The following NRF1 variants were observed in gnomAD, a reference collection of about 807,000 sequenced individuals.
NRF1 encodes nuclear respiratory factor 1.
In NRF1, 5 loss-of-function variants were observed where a neutral mutation model predicts 58.5. The ratio of observed to expected loss-of-function variants is 0.09; its 90% CI spans 0.04 to 0.18. The LOEUF is 0.18. NRF1 is among the 10% of genes least tolerant of loss of function. NRF1 has a pLI of 1.00. For synonymous variants in NRF1, 224 were observed against 246.7 expected, an observed-to-expected ratio of 0.91 and a Z score of 0.86; for missense variants, 288 against 657.7, an observed-to-expected ratio of 0.44 and a Z score of 6.15.
intron 1 of NRF1, among the ~76,000 whole-genome samples, chr7:129,642,852 C>T (rs1801325215): frequency 6.6e-6 from 1 of 150,824 alleles, no homozygotes; most frequent in South Asian, 2.1e-4. Context: ...CTTCTGCCTC[C>T]TGGGCTCACT....
At chr7:129,630,662 T>C (rs1252756071) in intron 1 of NRF1, among the ~76,000 whole-genome samples, 1 of 152,202 alleles carries the variant, frequency 6.6e-6, no homozygotes, top group Non-Finnish European at 1.5e-5. Flanking sequence ...GAGGAAACCT[T>C]TGTTTTCTAT....
chr7:129,642,226 T>C (rs1286906301), intron 1 of NRF1, among the ~76,000 whole-genome samples: 1 of 140,660 alleles, frequency 7.1e-6, no homozygotes, highest in African/African-American at 2.6e-5. Flanking sequence ...TCAAGTTATA[T>C]GCCCGCCTCA....
chr7:129,682,164 T>G (rs957304594), intron 4 of NRF1, among the ~76,000 whole-genome samples: 3 of 149,700 alleles, frequency 2.0e-5, no homozygotes, highest in African/African-American at 7.4e-5. Flanking sequence ...AAAAAGATAG[T>G]TAAAACCCAC....
At chr7:129,676,090 A>G (rs980629792) in intron 3 of NRF1, among the ~76,000 whole-genome samples, 3 of 152,064 alleles carry the variant, frequency 2.0e-5, no homozygotes, top group African/African-American at 7.2e-5. Context: ...TCATGAACCA[A>G]CCTCTGAAAG....
Position 129,657,519 on chromosome 7 carries a change from A to G in NRF1, c.168A>G (p.Ser56=), listed in dbSNP as rs374461357. The stretch of plus-strand genomic sequence containing the variant: ...CCGAGGACACCTCTTACGATGACTC[A>G]GATATACTCAACTCCACAGCAGCTG... ...SSPEDTSYDD[S]DILNSTAADE... Residue 56 remains serine, a synonymous_variant, in exon 2 of 11, where the codon TCA becomes TCG. Coordinates refer to ENST00000393232, the MANE Select transcript of NRF1 (RefSeq NM_005011.5). The G allele has an allele frequency of 1.2e-6, 2 of 1,614,108 alleles. No homozygotes were observed. Among genetic ancestry groups the G allele is most frequent in the Non-Finnish European group, 1.7e-6 (2 of 1,180,022 alleles).
At chr7:129,642,585 CTG>C (rs1801314853) in intron 1 of NRF1, among the ~76,000 whole-genome samples, 1 of 151,920 alleles carries the variant, frequency 6.6e-6, no homozygotes, top group East Asian at 1.9e-4. Flanking sequence ...ACAAAACCAA[CTG>C]TATAAGAAAC....
intron 2 of NRF1, among the ~76,000 whole-genome samples, chr7:129,669,907 T>C (rs1047650882): frequency 6.6e-6 from 1 of 152,240 alleles, no homozygotes; most frequent in Non-Finnish European, 1.5e-5. Flanking sequence ...TTCATTGTTG[T>C]ATTATTCACA....
At chr7:129,744,150 T>TTTTA in intron 10 of NRF1, 6 of 1,463,316 alleles carry the variant, frequency 4.1e-6, no homozygotes, top group Non-Finnish European at 5.5e-6. Flanking sequence ...TTTTTTTTTT[T>TTTTA]AACAGTTCTG....
chr7:129,659,610 A>G (rs1801737316), intron 2 of NRF1, among the ~76,000 whole-genome samples: 5 of 152,236 alleles, frequency 3.3e-5, no homozygotes, highest in Admixed American at 2.6e-4. Flanking sequence ...TTCTTTCCTC[A>G]TGTTGAAGGT....
At chr7:129,663,205 T>C (rs1007174555) in intron 2 of NRF1, among the ~76,000 whole-genome samples, 2 of 151,326 alleles carry the variant, frequency 1.3e-5, no homozygotes, top group Non-Finnish European at 1.5e-5. Flanking sequence ...TCCCCACATT[T>C]CCCCCTTTTC....
chr7:129,639,545 CTTT>C (rs11325662), intron 1 of NRF1, among the ~76,000 whole-genome samples: 73 of 123,866 alleles, frequency 5.9e-4, no homozygotes, highest in African/African-American at 8.9e-4. Flanking sequence ...CCCCACAACC[CTTT>C]TTTTTTTTTT....
chr7:129,702,046 G>A (rs1033644056), intron 5 of NRF1, among the ~76,000 whole-genome samples: 3 of 152,150 alleles, frequency 2.0e-5, no homozygotes, highest in Non-Finnish European at 4.4e-5. Context: ...TTATGTAAAT[G>A]TATAGAATTT....
intron 10 of NRF1, among the ~76,000 whole-genome samples, chr7:129,729,999 C>T (rs927561540): frequency 6.6e-6 from 1 of 152,008 alleles, no homozygotes; most frequent in African/African-American, 2.4e-5. Context: ...CACACCACGC[C>T]CAGATAATTT....
intron 1 of NRF1, among the ~76,000 whole-genome samples, chr7:129,613,680 C>T (rs534067017): frequency 2.4e-4 from 36 of 151,816 alleles, no homozygotes; most frequent in Non-Finnish European, 4.1e-4. Context: ...GGGTGGATCA[C>T]CTGAGGTCAG....
intron 1 of NRF1, among the ~76,000 whole-genome samples, chr7:129,639,853 C>T (rs570904993): frequency 6.6e-6 from 1 of 152,144 alleles, no homozygotes; most frequent in Non-Finnish European, 1.5e-5. Context: ...CTTCCGCCCC[C>T]CCTTTTTTAA....
intron 1 of NRF1, among the ~76,000 whole-genome samples, chr7:129,614,759 A>G (rs1408207561): frequency 1.3e-5 from 2 of 152,208 alleles, no homozygotes; most frequent in African/African-American, 4.8e-5. Context: ...ATTCCTGTGT[A>G]TGTCGTTAGG....
At chr7:129,754,088 C>T (rs892417999) in intron 10 of NRF1, among the ~76,000 whole-genome samples, 1 of 152,116 alleles carries the variant, frequency 6.6e-6, no homozygotes, top group Non-Finnish European at 1.5e-5. Flanking sequence ...GGCCCTCTCA[C>T]GGCAAGCTGG....
At chr7:129,676,055 TG>T (rs758396648) in intron 3 of NRF1, among the ~76,000 whole-genome samples, 2 of 152,246 alleles carry the variant, frequency 1.3e-5, no homozygotes. Flanking sequence ...TTTTATGTAA[TG>T]GAGATGGCTT....
Position 129,709,140 on chromosome 7 carries a change from G to T in NRF1, c.672G>T (p.Trp224Cys). The T allele has an allele frequency of 6.3e-7, 1 of 1,598,294 alleles. No individual in the cohort carries two copies. Among genetic ancestry groups the T allele is most frequent in the South Asian group, 1.1e-5 (1 of 88,508 alleles). Residue 224 changes from tryptophan (W) to cysteine (C), a missense_variant, in exon 6 of 11, where the codon TGG becomes TGT. Trp to Cys is a radical substitution (Grantham distance 215, BLOSUM62 -2). Transcript: ENST00000393232. ...CTACAGGTCGGGGAAAACCAGGCTGGGGGAAAGAAAGCTGCAAGCCCATCT... is the reference window on the plus strand; with the variant it reads ...CTACAGGTCGGGGAAAACCAGGCTGTGGGAAAGAAAGCTGCAAGCCCATCT... ...KYSTGRGKPGWGKESCKPIWW... is the reference protein window; with the variant it reads ...KYSTGRGKPGCGKESCKPIWW...
Sources: gnomAD v4.1 joint callset for allele counts (sites outside exome capture counted in the v4.1 genomes callset) on GRCh38, gnomAD v4.1.1 for gene constraint, MANE v1.5 for transcripts, NCBI Gene and HGNC (gene_info 2026-07-23, HGNC 2026-07-21) for gene names.